Variants in NRIP1 observed in about 807,000 individuals in gnomAD.
The protein encoded by NRIP1 is nuclear receptor-interacting protein 1.
A neutral mutation model predicts 75.0 loss-of-function variants in NRIP1; 28 were observed. That is an observed-to-expected ratio of 0.37 (90% CI 0.28 to 0.51). NRIP1 has a LOEUF of 0.51. Among genes scored for constraint, NRIP1 ranks in the 20% least tolerant of loss-of-function variants. The probability of loss-of-function intolerance (pLI) is 0.92; values close to 1 mark genes in which losing one functional copy is unlikely to be tolerated. For synonymous variants in NRIP1, 526 were observed against 487.6 expected (o/e 1.08, Z -1.04); for missense variants, 1,435 against 1,343.7 (o/e 1.07, Z -1.06).
Position 14,965,142 on chromosome 21 carries a change from G to A in NRIP1, c.3051C>T (p.His1017=), listed in dbSNP as rs2086694206. ...KTPVSPTFPE[H]LGCAGSRPES... The stretch of plus-strand genomic sequence containing the variant: ...CTGGTCTAGACCCTGCACAGCCCAA[G>A]TGCTCAGGGAAAGTAGGACTCACAG... Residue 1017 remains histidine, a synonymous_variant, in exon 4 of 4, where the codon CAC becomes CAT. Coordinates refer to ENST00000318948, the MANE Select transcript of NRIP1 (RefSeq NM_003489.4). 1 of 1,613,002 alleles carries A rather than the reference G, an allele frequency of 6.2e-7. No homozygotes were observed. Among genetic ancestry groups the A allele is most frequent in the East Asian group, 2.2e-5 (1 of 44,866 alleles).
At chr21:14,975,196 CTTATATAATCAATAGCACCATAATCA>C (rs2087018983) in intron 3 of NRIP1, among the ~76,000 whole-genome samples, 1 of 145,352 alleles carries the variant, frequency 6.9e-6, no homozygotes, top group East Asian at 2.1e-4. Flanking sequence ...AGTGGTATTG[CTTATATAATCAATAGCACCATAATCA>C]TTCACATGTA....
intron 3 of NRIP1, among the ~76,000 whole-genome samples, chr21:14,988,441 ATAG>A (rs2087467055): frequency 6.7e-6 from 1 of 148,654 alleles, no homozygotes; most frequent in South Asian, 2.1e-4. Flanking sequence ...AGATAGATAG[ATAG>A]ATAGATAGAT....
Position 14,989,419 on chromosome 21 carries a change from A to G in NRIP1, c.-334-20893T>C, listed in dbSNP as rs76015372. Among the ~76,000 whole-genome samples, 430 of 152,312 alleles carry G rather than the reference A, an allele frequency of 2.8e-3. 15 individuals are homozygous for G. In the East Asian group the frequency reaches 0.07, roughly 25 times the overall value. ...ACCAACTGCCTCCCTTGATGAAACTAAAGTATGCCAATTATCCAAACTGTG... is the reference window on the plus strand; with the variant it reads ...ACCAACTGCCTCCCTTGATGAAACTGAAGTATGCCAATTATCCAAACTGTG... On this transcript the variant is annotated intron_variant, in intron 3 of 3. Transcript: ENST00000318948.
At chr21:14,973,845 T>TA (rs1423828397) in intron 3 of NRIP1, among the ~76,000 whole-genome samples, 12 of 146,724 alleles carry the variant, frequency 8.2e-5, no homozygotes, top group Admixed American at 7.5e-4. Flanking sequence ...CAGAGCTGAT[T>TA]TTTTTTTTTT....
intron 1 of NRIP1, among the ~76,000 whole-genome samples, chr21:15,047,895 C>T (rs1228356900): frequency 6.6e-6 from 1 of 152,204 alleles, no homozygotes; most frequent in South Asian, 2.1e-4. Context: ...TGAGCTTAAC[C>T]TTTTCTAGCT....
chr21:14,992,539 C>G (rs1173486676), intron 3 of NRIP1: 3 of 151,948 alleles, frequency 2.0e-5, no homozygotes, highest in East Asian at 3.9e-4. Context: ...CCTCACCCCC[C>G]AAAAAGTCTA....
intron 3 of NRIP1, chr21:15,002,123 T>C (rs2087862264): frequency 6.6e-6 from 1 of 152,216 alleles, no homozygotes; most frequent in Non-Finnish European, 1.5e-5. Context: ...AGAGCGCATG[T>C]TGAATATTCC....
At chr21:15,057,015 A>G (rs1177605275) in intron 1 of NRIP1, among the ~76,000 whole-genome samples, 1 of 152,142 alleles carries the variant, frequency 6.6e-6, no homozygotes, top group African/African-American at 2.4e-5. Context: ...GACACAGTCT[A>G]CCCTCAAAAT....
rs368054798 is a variant in NRIP1, at chr21:14,966,342, T to C, written c.1851A>G (p.Glu617=). The C allele has an allele frequency of 6.2e-7, 1 of 1,613,976 alleles. No homozygotes were observed. Among genetic ancestry groups the C allele is most frequent in the Non-Finnish European group, 8.5e-7 (1 of 1,179,980 alleles). ...DPPGEKPAQN[E]GAQNSATFSA... ...TAAACGTTGCAGAGTTCTGTGCACC[T>C]TCATTTTGGGCTGGTTTCTCTCCTG... The change falls in exon 4 of 4, where the codon GAA becomes GAG. Residue 617 remains glutamate, a synonymous_variant. Transcript: ENST00000318948.
chr21:15,024,002 T>C (rs1397483187), intron 2 of NRIP1, among the ~76,000 whole-genome samples: 1 of 152,256 alleles, frequency 6.6e-6, no homozygotes, highest in African/African-American at 2.4e-5. Context: ...ATGTCTAACA[T>C]ATAAACAATA....
chr21:15,040,998 G>A (rs2088939844), intron 2 of NRIP1, among the ~76,000 whole-genome samples: 1 of 152,010 alleles, frequency 6.6e-6, no homozygotes, highest in Admixed American at 6.6e-5. Flanking sequence ...CCACTCCCAT[G>A]CTTACACTGT....
intron 1 of NRIP1, among the ~76,000 whole-genome samples, chr21:15,054,525 A>T (rs1305056582): frequency 6.6e-6 from 1 of 152,198 alleles, no homozygotes; most frequent in East Asian, 1.9e-4. Context: ...TTTCCCTCAT[A>T]ATTAGTATGC....
chr21:15,010,475 G>A (rs1885059238), intron 3 of NRIP1, among the ~76,000 whole-genome samples: 1 of 151,458 alleles, frequency 6.6e-6, no homozygotes, highest in South Asian at 2.1e-4. Flanking sequence ...GTCTAGTAGG[G>A]ATCTTCCTCC....
intron 2 of NRIP1, among the ~76,000 whole-genome samples, chr21:15,017,402 C>T (rs1478971413): frequency 6.6e-6 from 1 of 151,996 alleles, no homozygotes; most frequent in African/African-American, 2.4e-5. Flanking sequence ...GTTGATGACA[C>T]CATGAGGAAT....
In NRIP1 at chr21:14,961,989, CAA is replaced by C. The variant is rs2146895283; in HGVS notation, c.*2725_*2726del. The C allele has an allele frequency of 7.4e-6, 1 of 134,240 alleles. No homozygotes were observed. Among genetic ancestry groups the C allele is most frequent in the South Asian group, 2.3e-4 (1 of 4,354 alleles). The allele number at this position is 134,240 out of a possible 1,614,324, so 8.3% of individuals were successfully genotyped here. On this transcript the variant is annotated 3_prime_UTR_variant, in exon 4 of 4. Transcript: ENST00000318948. Reference sequence around the variant, plus strand: ...AACCGATTTTAACATCTTCATGTAACAAGTCAATATATATATATATACATATT... The same window carrying C: ...AACCGATTTTAACATCTTCATGTAACGTCAATATATATATATATACATATT...
chr21:14,965,928 T>C lies in NRIP1; in HGVS notation c.2265A>G (p.Ile755Met), dbSNP rs2086723172. The C allele has an allele frequency of 6.2e-7, 1 of 1,614,162 alleles. No individual in the cohort carries two copies. Among genetic ancestry groups the C allele is most frequent in the Non-Finnish European group, 8.5e-7 (1 of 1,179,990 alleles). The change falls in exon 4 of 4, where the codon ATA (isoleucine) becomes ATG (methionine). Residue 755 changes from isoleucine (I) to methionine (M), a missense_variant. Transcript: ENST00000318948. ...ALSEQILMVK[I>M]KSEPCDDLQI... Reference sequence around the variant, plus strand: ...GTAAGTCATCACAAGGCTCAGATTTTATTTTCACCATCAGTATTTGTTCAC... The same window carrying C: ...GTAAGTCATCACAAGGCTCAGATTTCATTTTCACCATCAGTATTTGTTCAC...
chr21:14,990,131 A>G (rs1020317070), intron 3 of NRIP1, among the ~76,000 whole-genome samples: 6 of 152,156 alleles, frequency 3.9e-5, no homozygotes, highest in Non-Finnish European at 8.8e-5. Context: ...TCACGATTCT[A>G]GCGCCACTAG....
At chr21:15,008,636 TA>T (rs749585956) in intron 3 of NRIP1, among the ~76,000 whole-genome samples, 28 of 151,626 alleles carry the variant, frequency 1.8e-4, no homozygotes, top group East Asian at 5.8e-4. Flanking sequence ...GTGCAGTTAT[TA>T]AAAAAAAACT....
intron 1 of NRIP1, among the ~76,000 whole-genome samples, chr21:15,062,592 C>T (rs1001187629): frequency 6.6e-6 from 1 of 152,182 alleles, no homozygotes; most frequent in African/African-American, 2.4e-5. Context: ...AAAGGTGGCA[C>T]GGATAATTTA....
Sources: allele counts gnomAD v4.1 joint callset (sites outside exome capture counted in the v4.1 genomes callset), GRCh38; gene constraint gnomAD v4.1.1; transcripts MANE v1.5; gene names NCBI Gene and HGNC (gene_info 2026-07-23, HGNC 2026-07-21).